Variants in SGCD observed in about 807,000 individuals in gnomAD.
SGCD encodes the protein sarcoglycan delta, also known as delta-sarcoglycan.
SGCD carries 18 observed loss-of-function variants against 36.6 expected under a neutral mutation model. That is an observed-to-expected ratio of 0.49 (90% CI 0.34 to 0.73). SGCD has a LOEUF of 0.73. Ranked by LOEUF, SGCD falls within the 30% of genes least tolerant of loss-of-function variation. The pLI, the probability that SGCD is intolerant of heterozygous loss-of-function variation, is 0.01. For synonymous variants in SGCD, 133 were observed against 130.6 expected, an observed-to-expected ratio of 1.02 and a Z score of -0.12; for missense variants, 387 against 346.7, an observed-to-expected ratio of 1.12 and a Z score of -0.92.
At chr5:156,237,889 G>A (rs1474681488) in intron 3 of SGCD, among the ~76,000 whole-genome samples, 1 of 152,020 alleles carries the variant, frequency 6.6e-6, no homozygotes, top group Non-Finnish European at 1.5e-5. Context: ...TAACTGAATA[G>A]GGAAAATAAG....
At chr5:155,740,569 T>C in the SGCD span, among the ~76,000 whole-genome samples, 3 of 152,194 alleles carry the variant, frequency 2.0e-5, no homozygotes, top group Non-Finnish European at 4.4e-5. Flanking sequence ...ATGCGCTCAA[T>C]CTTAGCTCAT....
At chr5:156,263,993 C>T (rs539206899) in intron 3 of SGCD, among the ~76,000 whole-genome samples, 3 of 151,894 alleles carry the variant, frequency 2.0e-5, no homozygotes, top group Admixed American at 6.6e-5. Context: ...GTCTTTTGCT[C>T]AAGCAAGTCT....
intron 4 of SGCD, among the ~76,000 whole-genome samples, chr5:156,552,378 T>C (rs1758835202): frequency 6.6e-6 from 1 of 152,228 alleles, no homozygotes; most frequent in African/African-American, 2.4e-5. Context: ...CAGTTGGCAG[T>C]GCCTGACCTA....
Position 156,595,007 on chromosome 5 carries a change from A to G in SGCD, c.458A>G (p.Asp153Gly), listed in dbSNP as rs752000538. 53 of 1,612,454 alleles carry G rather than the reference A, an allele frequency of 3.3e-5. No individual in the cohort carries two copies. In the Admixed American group the frequency reaches 8.5e-4, roughly 26 times the overall value. The change falls in exon 6 of 9, where the codon GAC (aspartate) becomes GGC (glycine). Residue 153 changes from aspartate (D) to glycine (G), a missense_variant. Coordinates refer to ENST00000337851, the MANE Select transcript of SGCD (RefSeq NM_000337.6). Reference protein sequence around the residue: ...TVSGKLLFSADNNEVVVGAER... With the variant: ...TVSGKLLFSAGNNEVVVGAER... ...TCTGGAAAATTGCTCTTCTCTGCAG[A>G]CAATAATGAAGTGGTAGTAGGAGCT... is the stretch of plus-strand genomic sequence containing the variant.
intron 1 of SGCD, among the ~76,000 whole-genome samples, chr5:156,080,394 G>T (rs530710209): frequency 6.6e-6 from 1 of 152,286 alleles, no homozygotes; most frequent in African/African-American, 2.4e-5. Context: ...AATTTCTGTG[G>T]CAAGTAAGTC....
At chr5:156,201,774 C>T (rs1043722275) in intron 3 of SGCD, among the ~76,000 whole-genome samples, 2 of 151,470 alleles carry the variant, frequency 1.3e-5, no homozygotes, top group African/African-American at 2.4e-5. Context: ...TTTCTCAGCT[C>T]GAGCCAGGGA....
At chr5:155,795,641 CAAT>C in the SGCD span, among the ~76,000 whole-genome samples, 1 of 151,876 alleles carries the variant, frequency 6.6e-6, no homozygotes, top group Non-Finnish European at 1.5e-5. Context: ...TGTATATTAA[CAAT>C]AATAGTTCAA....
chr5:156,074,627 C>CCAAGATTATACCA (rs1760714043), intron 1 of SGCD, among the ~76,000 whole-genome samples: 1 of 151,908 alleles, frequency 6.6e-6, no homozygotes, highest in Non-Finnish European at 1.5e-5. Context: ...TTGCAGTGAG[C>CCAAGATTATACCA]CAAGATTATA....
intron 3 of SGCD, among the ~76,000 whole-genome samples, chr5:156,402,934 T>G (rs1166705777): frequency 6.6e-6 from 1 of 152,226 alleles, no homozygotes; most frequent in African/African-American, 2.4e-5. Context: ...AATTCTACAT[T>G]TAATTTTTTG....
intron 4 of SGCD, among the ~76,000 whole-genome samples, chr5:156,567,311 A>C (rs78311701): frequency 0.041 from 5,906 of 144,958 alleles, 268 homozygotes; most frequent in African/African-American, 0.11. Context: ...GGATGGATGG[A>C]TGAATTAATG....
At chr5:156,670,023 C>T (rs901584131) in intron 7 of SGCD, among the ~76,000 whole-genome samples, 5 of 152,104 alleles carry the variant, frequency 3.3e-5, no homozygotes, top group African/African-American at 1.2e-4. Context: ...TCACGACCAG[C>T]CCGTTTTCAC....
intron 1 of SGCD, among the ~76,000 whole-genome samples, chr5:156,016,674 G>A (rs897378893): frequency 7.9e-5 from 12 of 151,934 alleles, no homozygotes; most frequent in Non-Finnish European, 1.5e-4. Flanking sequence ...GTAATTTGCC[G>A]TGTTTACTTA....
At position 156,451,140 on chromosome 5, in the gene SGCD, A is replaced by G. The variant is rs1441828577; in HGVS notation, c.193-57461A>G. On this transcript the variant is annotated intron_variant, in intron 3 of 8. Coordinates refer to ENST00000337851, the MANE Select transcript of SGCD (RefSeq NM_000337.6). ...TACTATTTTCCAGCAGCCTTTTTCA[A>G]CTAAAAATTGATGGGTTTGATTAGT... is the stretch of plus-strand genomic sequence containing the variant. Among the ~76,000 whole-genome samples, 4 of 149,440 alleles carry G rather than the reference A, an allele frequency of 2.7e-5. No homozygotes were observed. The East Asian group carries it at 7.9e-4, about 30-fold the overall frequency.
chr5:156,186,390 C>T (rs559017138), intron 3 of SGCD, among the ~76,000 whole-genome samples: 1 of 152,238 alleles, frequency 6.6e-6, no homozygotes, highest in South Asian at 2.1e-4. Flanking sequence ...AAGATACCGC[C>T]AAATCATCCT....
chr5:156,584,365 G>A (rs1371432045), intron 4 of SGCD, among the ~76,000 whole-genome samples: 1 of 152,152 alleles, frequency 6.6e-6, no homozygotes, highest in Non-Finnish European at 1.5e-5. Context: ...TTATATGATC[G>A]CTTACAGAAC....
rs748789128 is a variant in SGCD at position 156,618,592 on chromosome 5, C to CAAAA, written c.502+23558_502+23561dup. On this transcript the variant is annotated intron_variant, in intron 6 of 8. Transcript: ENST00000337851. ...CAGGGAGTACAGCACTCATAATTCTCAAAAAAAAAAAAAAAAAAAAGAGCC... is the reference window on the plus strand; with the variant it reads ...CAGGGAGTACAGCACTCATAATTCTCAAAAAAAAAAAAAAAAAAAAAAAAGAGCC... 1.6e-3 allele frequency among the ~76,000 whole-genome samples: 123 copies of CAAAA among 76,190 alleles called. 1 individual carries two copies. The highest frequency in any genetic ancestry group is 1.9e-3 in the Non-Finnish European group (71 of 37,202). The allele number at this position is 76,190 out of a possible 152,430, so 50.0% of individuals were successfully genotyped here. A position where few individuals can be genotyped will look rare whatever the true frequency, so the allele number is the denominator to read the frequency against.
At chr5:156,005,241 C>A (rs999221) in intron 1 of SGCD, among the ~76,000 whole-genome samples, 1 of 152,210 alleles carries the variant, frequency 6.6e-6, no homozygotes, top group Middle Eastern at 3.4e-3. Flanking sequence ...CTACGTTCAG[C>A]CACTTCCCTT....
intron 1 of SGCD, among the ~76,000 whole-genome samples, chr5:155,954,721 A>G (rs1757615223): frequency 6.6e-6 from 1 of 152,162 alleles, no homozygotes; most frequent in Admixed American, 6.5e-5. Context: ...GAGAACTAAC[A>G]GGATATGCTT....
chr5:156,204,526 T>G (rs1224834849), intron 3 of SGCD, among the ~76,000 whole-genome samples: 4 of 151,760 alleles, frequency 2.6e-5, no homozygotes, highest in African/African-American at 9.7e-5. Context: ...ACTAGAGTGA[T>G]TTTTTGATTG....
Sources: gnomAD v4.1 joint callset for allele counts (sites outside exome capture counted in the v4.1 genomes callset) on GRCh38, gnomAD v4.1.1 for gene constraint, MANE v1.5 for transcripts, NCBI Gene and HGNC (gene_info 2026-07-23, HGNC 2026-07-21) for gene names.